NGLY1: variants seen among roughly 807,000 people sequenced by gnomAD.
NGLY1 encodes peptide-N(4)-(N-acetyl-beta-glucosaminyl)asparagine amidase.
In NGLY1, 68 loss-of-function variants were observed where a neutral mutation model predicts 84.6. The ratio of observed to expected loss-of-function variants is 0.80; its 90% CI spans 0.66 to 0.98. The LOEUF is 0.98. Ranked by LOEUF, NGLY1 falls within the 50% of genes least tolerant of loss-of-function variation. NGLY1 has a pLI of 0.00. For synonymous variants in NGLY1, 280 were observed against 275.2 expected, an observed-to-expected ratio of 1.02 and a Z score of -0.17; for missense variants, 779 against 770.2, an observed-to-expected ratio of 1.01 and a Z score of -0.14.
intron 6 of NGLY1, 94 bp from the exon 7 acceptor site, chr3:25,736,243 G>A (rs1705814286): frequency 6.4e-7 from 1 of 1,556,594 alleles, no homozygotes; most frequent in African/African-American, 1.4e-5. Flanking sequence ...GAATCATAAA[G>A]TAATGCATAA....
intron 2 of NGLY1, among the ~76,000 whole-genome samples, chr3:25,767,629 GA>G (rs1707654201): frequency 6.6e-6 from 1 of 152,112 alleles, no homozygotes; most frequent in Non-Finnish European, 1.5e-5. Flanking sequence ...TCATAAAAAA[GA>G]ATGCAGCCTC....
At chr3:25,767,153 G>A (rs978513229) in intron 2 of NGLY1, among the ~76,000 whole-genome samples, 3 of 151,960 alleles carry the variant, frequency 2.0e-5, no homozygotes, top group Non-Finnish European at 4.4e-5. Context: ...TTGGCTGGGC[G>A]CAGTGGCAGG....
chr3:25,732,536 C>A, intron 8 of NGLY1, 53 bp from the exon 9 acceptor site: 1 of 1,395,098 alleles, frequency 7.2e-7, no homozygotes, highest in Non-Finnish European at 9.9e-7. Flanking sequence ...ATGTATAGGT[C>A]CATCTCTAAG....
At chr3:25,760,969 T>A (rs369137451) in intron 3 of NGLY1, among the ~76,000 whole-genome samples, 3 of 150,020 alleles carry the variant, frequency 2.0e-5, no homozygotes, top group African/African-American at 7.4e-5. Context: ...TTATTGTTGG[T>A]TTATGAGATA....
At chr3:25,740,858 G>A (rs1406799167) in intron 4 of NGLY1, among the ~76,000 whole-genome samples, 5 of 151,642 alleles carry the variant, frequency 3.3e-5, no homozygotes, top group African/African-American at 9.7e-5. Flanking sequence ...CAGGTGTGGC[G>A]GCTCACAGCT....
intron 10 of NGLY1, among the ~76,000 whole-genome samples, chr3:25,725,932 T>C (rs1230024576): frequency 3.9e-5 from 6 of 152,212 alleles, no homozygotes; most frequent in Admixed American, 3.3e-4. Flanking sequence ...CACATGTCTT[T>C]CACTTTACCA....
intron 2 of NGLY1, among the ~76,000 whole-genome samples, chr3:25,777,428 G>A (rs1010780799): frequency 6.7e-6 from 1 of 150,112 alleles, no homozygotes; most frequent in African/African-American, 2.4e-5. Flanking sequence ...ATTCCCAGTG[G>A]CTTCTCATCT....
chr3:25,754,972 C>T, intron 3 of NGLY1: 3 of 773,902 alleles, frequency 3.9e-6, no homozygotes, highest in African/African-American at 1.7e-5. Context: ...CTAGGGATGC[C>T]TTGGTGATGG....
In NGLY1 at chr3:25,719,345, A is replaced by T; in HGVS notation, c.*115T>A. On this transcript the variant is annotated 3_prime_UTR_variant, in exon 12 of 12. Coordinates refer to ENST00000280700, the MANE Select transcript of NGLY1 (RefSeq NM_018297.4). ...CATGAGGGTTACATGATGGATAGCT[A>T]GCAAAAGAAATATGCTAGCACAGGG... The T allele has an allele frequency of 2.8e-6, 2 of 719,712 alleles. No individual in the cohort carries two copies. Among genetic ancestry groups the T allele is most frequent in the Non-Finnish European group, 4.5e-6 (2 of 440,116 alleles). The allele number at this position is 719,712 out of a possible 1,614,324, so 44.6% of individuals were successfully genotyped here.
At chr3:25,749,664 GT>G in intron 4 of NGLY1, 1 of 1,514,028 alleles carries the variant, frequency 6.6e-7, no homozygotes, top group African/African-American at 1.4e-5. Context: ...CCCAACATTA[GT>G]TATGGGAGCA....
chr3:25,779,849 A>G (rs1384898715), intron 1 of NGLY1, among the ~76,000 whole-genome samples: 4 of 152,244 alleles, frequency 2.6e-5, no homozygotes, highest in African/African-American at 9.6e-5. Context: ...TTTATTACAG[A>G]ATATTCAGAG....
intron 3 of NGLY1, among the ~76,000 whole-genome samples, chr3:25,757,152 A>C (rs1707081543): frequency 6.6e-6 from 1 of 152,256 alleles, no homozygotes. Context: ...CAAATGTCTC[A>C]TCAGTTTTAA....
chr3:25,785,844 CT>C (rs969076134), upstream of NGLY1, among the ~76,000 whole-genome samples: 1 of 152,158 alleles, frequency 6.6e-6, no homozygotes, highest in Non-Finnish European at 1.5e-5. Context: ...AACAAAATGA[CT>C]TTTGTTTTTC....
chr3:25,722,062 A>G (rs1705022111), intron 10 of NGLY1, among the ~76,000 whole-genome samples: 1 of 151,810 alleles, frequency 6.6e-6, no homozygotes, highest in Non-Finnish European at 1.5e-5. Flanking sequence ...TACTAAAAAT[A>G]CCAAAATTAG....
At position 25,763,498 on chromosome 3, in the gene NGLY1, C is replaced by A. The variant is rs572313981; in HGVS notation, c.492+568G>T. 2.6e-5 allele frequency among the ~76,000 whole-genome samples: 4 copies of A among 152,240 alleles called. No homozygotes were observed. The South Asian group carries it at 8.3e-4, about 32-fold the overall frequency. ...GAATGCACATGATCTCAGGGAGGGG[C>A]ATAAAAATCCATTGAGGTGCTTGTT... On this transcript the variant is annotated intron_variant, in intron 3 of 11. Coordinates refer to ENST00000280700, the MANE Select transcript of NGLY1 (RefSeq NM_018297.4).
Position 25,752,213 on chromosome 3 carries a change from T to G in NGLY1, c.493-950A>C, listed in dbSNP as rs1384089251. Among the ~76,000 whole-genome samples, 4 of 152,124 alleles carry G rather than the reference T, an allele frequency of 2.6e-5. No individual in the cohort carries two copies. In the South Asian group the frequency reaches 6.2e-4, roughly 24 times the overall value. ...AACTATAGATCTTGGACGTAAAAAT[T>G]TTATTTATTTATTATTATTATTTTT... is the stretch of plus-strand genomic sequence containing the variant. On this transcript the variant is annotated intron_variant, in intron 3 of 11. Coordinates refer to ENST00000280700, the MANE Select transcript of NGLY1 (RefSeq NM_018297.4).
chr3:25,771,148 G>A (rs1289656058), intron 2 of NGLY1, among the ~76,000 whole-genome samples: 1 of 152,072 alleles, frequency 6.6e-6, no homozygotes, highest in Non-Finnish European at 1.5e-5. Context: ...TTTTTCTGAT[G>A]TTATCTTCTA....
At chr3:25,746,197 C>A (rs1464161170) in intron 4 of NGLY1, among the ~76,000 whole-genome samples, 3 of 152,096 alleles carry the variant, frequency 2.0e-5, no homozygotes, top group African/African-American at 7.2e-5. Context: ...AGAGCCTGTC[C>A]TTCTCTGCCT....
chr3:25,783,528 GCA>G (rs1708526394), upstream of NGLY1: 1 of 623,372 alleles, frequency 1.6e-6, no homozygotes, highest in Admixed American at 5.1e-5. This position sits in a 1 kb window ranked among gnomAD's most constrained non-coding sequence, Gnocchi z 4.5. Flanking sequence ...TCCTCGGCCG[GCA>G]GGGGCGGGGT....
Sources: allele counts gnomAD v4.1 joint callset (sites outside exome capture counted in the v4.1 genomes callset), GRCh38; gene constraint gnomAD v4.1.1; non-coding constraint Gnocchi (gnomAD v3.1); transcripts MANE v1.5; gene names NCBI Gene and HGNC (gene_info 2026-07-23, HGNC 2026-07-21).